JPH3: variants seen among roughly 807,000 people sequenced by gnomAD.
JPH3 encodes the protein junctophilin-3.
Under a neutral mutation model 59.6 loss-of-function variants are expected in JPH3, and 11 were observed. The observed-to-expected ratio is 0.18, with a 90% CI of 0.12 to 0.31. The LOEUF (loss-of-function observed/expected upper bound fraction) is 0.31. Ranked by LOEUF, JPH3 falls within the 10% of genes least tolerant of loss-of-function variation. The probability of loss-of-function intolerance (pLI) is 1.00; values close to 1 mark genes in which losing one functional copy is unlikely to be tolerated. For missense variants in JPH3, 1,202 were observed against 1,105.7 expected (o/e 1.09, Z -1.24); for synonymous variants, 673 against 483.6 (o/e 1.39, Z -5.14).
At chr16:87,613,056 G>C (rs557658904) in intron 1 of JPH3, among the ~76,000 whole-genome samples, 1 of 148,984 alleles carries the variant, frequency 6.7e-6, no homozygotes, top group South Asian at 2.1e-4. Flanking sequence ...AAGTAGACTA[G>C]AAATTTTCCA....
At position 87,602,829 on chromosome 16, in the gene JPH3, G is replaced by T. The variant is rs1307320220; in HGVS notation, c.-318G>T. ...CCTCTCGCCGCTGAGGTGGAGCCGC[G>T]GGCCCCGCCGCCGCCGCTCCTGCCC... On this transcript the variant is annotated 5_prime_UTR_variant, in exon 1 of 5. Coordinates refer to ENST00000284262, the MANE Select transcript of JPH3 (RefSeq NM_020655.4). 6.7e-6 allele frequency: 1 copy of T among 148,618 alleles called. No homozygotes were observed. The highest frequency in any genetic ancestry group is 7.3e-5 in the Admixed American group (1 of 13,784). 9.2% of individuals were successfully genotyped at this position (148,618 alleles called of 1,614,324 possible).
At position 87,603,018 on chromosome 16, in the gene JPH3, T is replaced by G; in HGVS notation, c.-129T>G. 6 of 1,197,650 alleles carry G rather than the reference T, an allele frequency of 5.0e-6. No homozygotes were observed. The highest frequency in any genetic ancestry group is 2.7e-5 in the East Asian group (1 of 37,178). 74.2% of individuals were successfully genotyped at this position (1,197,650 alleles called of 1,614,324 possible). On this transcript the variant is annotated 5_prime_UTR_variant, in exon 1 of 5. Coordinates refer to ENST00000284262, the MANE Select transcript of JPH3 (RefSeq NM_020655.4). ...CGGCCGCCCGCGCCCGAGACCGCGC[T>G]CCGGGGCCGCGTCCTCCTCTCCTCC... is the stretch of plus-strand genomic sequence containing the variant.
At chr16:87,613,757 C>CT (rs1459987421) in intron 1 of JPH3, among the ~76,000 whole-genome samples, 10 of 152,166 alleles carry the variant, frequency 6.6e-5, no homozygotes, top group Admixed American at 3.9e-4. Context: ...AAGAAAAACA[C>CT]TTTTTCTTTC....
chr16:87,676,226 AT>A (rs778308870), intron 2 of JPH3, among the ~76,000 whole-genome samples: 18 of 152,148 alleles, frequency 1.2e-4, no homozygotes, highest in Non-Finnish European at 2.2e-4. Flanking sequence ...TGAGACCAGA[AT>A]CCCTATCAGA....
intron 2 of JPH3, among the ~76,000 whole-genome samples, chr16:87,680,489 G>A (rs2033261734): frequency 6.6e-6 from 1 of 152,234 alleles, no homozygotes; most frequent in African/African-American, 2.4e-5. Flanking sequence ...AGCCTCGCAT[G>A]CAGGGCCAGG....
intron 2 of JPH3, among the ~76,000 whole-genome samples, chr16:87,659,370 GTC>G (rs1384803131): frequency 8.8e-5 from 5 of 56,688 alleles, no homozygotes; most frequent in African/African-American, 4.1e-4. Flanking sequence ...GAGTAAGACT[GTC>G]TCAAAAAAAA....
rs767096314 is a variant in JPH3 at position 87,644,367 on chromosome 16, C to G, written c.492C>G (p.Ile164Met). ...TCCGCTCACCCCTGAGGACGTCCAT[C>G]AACTCCCTGCGCAGCGAGCACACCA... ...AVIRSPLRTS[I>M]NSLRSEHTNG... Residue 164 changes from isoleucine to methionine, a missense_variant, in exon 2 of 5, where the codon ATC becomes ATG. Transcript: ENST00000284262. 2 of 1,612,958 alleles carry G rather than the reference C, an allele frequency of 1.2e-6. No homozygotes were observed. The highest frequency in any genetic ancestry group is 4.5e-5 in the East Asian group (2 of 44,876).
chr16:87,615,989 G>A (rs993265449), intron 1 of JPH3, among the ~76,000 whole-genome samples: 4 of 152,210 alleles, frequency 2.6e-5, no homozygotes, highest in African/African-American at 9.7e-5. Context: ...GAGCCTGCAG[G>A]AGGGAGACGG....
rs1454333897 is a variant in JPH3 at position 87,697,399 on chromosome 16, C to A, written c.*739C>A. On this transcript the variant is annotated 3_prime_UTR_variant, in exon 5 of 5. Coordinates refer to ENST00000284262, the MANE Select transcript of JPH3 (RefSeq NM_020655.4). ...GGGTCCCATTCGGCTGTTTCCCCCA[C>A]CAGACCCCAGGGAAGCCGGGGCCCA... The A allele has an allele frequency of 6.6e-6, 1 of 152,394 alleles. No individual in the cohort carries two copies. Among genetic ancestry groups the A allele is most frequent in the Non-Finnish European group, 1.5e-5 (1 of 68,162 alleles). The allele number at this position is 152,394 out of a possible 1,614,324, so 9.4% of individuals were successfully genotyped here.
chr16:87,638,882 C>T (rs994314339), intron 1 of JPH3, among the ~76,000 whole-genome samples: 1 of 152,084 alleles, frequency 6.6e-6, no homozygotes, highest in Non-Finnish European at 1.5e-5. Context: ...CAGGGATCTG[C>T]CTACGAATCT....
rs116522251 is a variant in JPH3, at chr16:87,639,541, C to T, written c.383-4717C>T. Among the ~76,000 whole-genome samples the T allele has an allele frequency of 7.9e-3, 1,208 of 152,314 alleles. 18 individuals are homozygous for T. Among genetic ancestry groups the T allele is most frequent in the African/African-American group, 0.028 (1,156 of 41,558 alleles). On this transcript the variant is annotated intron_variant, in intron 1 of 4. Coordinates refer to ENST00000284262, the MANE Select transcript of JPH3 (RefSeq NM_020655.4). ...AACCGTCACCAGAACTTTTCCATCT[C>T]CAGAACTTTCTCATCTTCCCAAACC...
chr16:87,603,672 C>T (rs1182463273), intron 1 of JPH3, 144 bp downstream of exon 1: 9 of 1,076,294 alleles, frequency 8.4e-6, no homozygotes, highest in Non-Finnish European at 9.1e-6. Context: ...CCCTGGAAGC[C>T]ACGGCGGCTC....
Position 87,690,029 on chromosome 16 carries a change from C to T in JPH3, c.1669C>T (p.Arg557Cys), listed in dbSNP as rs748628691. Reference protein sequence around the residue: ...LRGGLLVDDFRTRGSGRKQPG... With the variant: ...LRGGLLVDDFCTRGSGRKQPG... Reference sequence around the variant, plus strand: ...CGGCGGCCTGCTCGTGGATGACTTCCGCACCCGAGGTTCGGGCCGCAAGCA... The same window carrying T: ...CGGCGGCCTGCTCGTGGATGACTTCTGCACCCGAGGTTCGGGCCGCAAGCA... The change falls in exon 4 of 5, where the codon CGC becomes TGC. Residue 557 changes from arginine to cysteine, a missense_variant. Physicochemically the swap from Arg to Cys is radical, Grantham distance 180. Transcript: ENST00000284262. 1.5e-4 allele frequency: 230 copies of T among 1,541,496 alleles called. 1 individual carries two copies. In the Middle Eastern group the frequency reaches 1.9e-3, roughly 12 times the overall value.
At chr16:87,630,427 C>T (rs1037638310) in intron 1 of JPH3, among the ~76,000 whole-genome samples, 1 of 152,228 alleles carries the variant, frequency 6.6e-6, no homozygotes, top group Non-Finnish European at 1.5e-5. Context: ...CCTGCCCCTT[C>T]CTGGCATTCC....
chr16:87,661,904 C>A (rs1030932800), intron 2 of JPH3, among the ~76,000 whole-genome samples: 4 of 152,250 alleles, frequency 2.6e-5, no homozygotes, highest in African/African-American at 7.2e-5. Flanking sequence ...CTCACACTCA[C>A]GTCCCATCTG....
At chr16:87,679,764 G>A (rs772238154) in intron 2 of JPH3, among the ~76,000 whole-genome samples, 44 of 152,320 alleles carry the variant, frequency 2.9e-4, no homozygotes, top group Non-Finnish European at 4.9e-4. Context: ...TGGGAGGCCC[G>A]GCCGTGTCCT....
chr16:87,656,527 G>C (rs146535248), intron 2 of JPH3, among the ~76,000 whole-genome samples: 86 of 152,336 alleles, frequency 5.6e-4, no homozygotes, highest in African/African-American at 2.0e-3. Flanking sequence ...ACTCGGCTCA[G>C]GGCCGGGCCC....
intron 1 of JPH3, chr16:87,604,898 A>G: frequency 2.4e-6 from 1 of 425,262 alleles, no homozygotes; most frequent in South Asian, 1.7e-5. Context: ...TTCATGGAGC[A>G]GGTTGGAGAG....
intron 2 of JPH3, among the ~76,000 whole-genome samples, chr16:87,650,834 C>T (rs2032304476): frequency 6.6e-6 from 1 of 152,158 alleles, no homozygotes. Context: ...GGAAAGAAGC[C>T]GCTTCCAGAA....
Sources: gnomAD v4.1 joint callset for allele counts (sites outside exome capture counted in the v4.1 genomes callset) on GRCh38, gnomAD v4.1.1 for gene constraint, MANE v1.5 for transcripts, NCBI Gene and HGNC (gene_info 2026-07-23, HGNC 2026-07-21) for gene names.